Variants in FTO observed in about 807,000 individuals in gnomAD.
FTO encodes the protein FTO alpha-ketoglutarate dependent dioxygenase.
A neutral mutation model predicts 63.9 loss-of-function variants in FTO; 47 were observed. The ratio of observed to expected loss-of-function variants is 0.74; its 90% CI spans 0.58 to 0.94. The LOEUF is 0.94. Among genes scored for constraint, FTO ranks in the 40% least tolerant of loss-of-function variants. FTO has a pLI of 0.00. For missense variants in FTO, 562 were observed against 618.1 expected (o/e 0.91, Z 0.96); for synonymous variants, 207 against 224.4 (o/e 0.92, Z 0.69).
At chr16:53,822,538 C>A (rs1264819060) in intron 2 of FTO, among the ~76,000 whole-genome samples, 2 of 152,122 alleles carry the variant, frequency 1.3e-5, no homozygotes, top group Non-Finnish European at 2.9e-5. Flanking sequence ...CACGGTGTTA[C>A]TGAATGTGCA....
At chr16:53,912,735 C>T (rs2081744348) in intron 7 of FTO, among the ~76,000 whole-genome samples, 1 of 152,186 alleles carries the variant, frequency 6.6e-6, no homozygotes. Context: ...TCTCAACATC[C>T]AGGCACATTT....
At chr16:53,877,702 G>A (rs1388557901) in intron 5 of FTO, among the ~76,000 whole-genome samples, 3 of 150,870 alleles carry the variant, frequency 2.0e-5, no homozygotes, top group Non-Finnish European at 2.9e-5. Flanking sequence ...ATTTTATGAC[G>A]TGAATTATAG....
chr16:53,709,095 A>T (rs1598461198), intron 1 of FTO, among the ~76,000 whole-genome samples: 1 of 152,260 alleles, frequency 6.6e-6, no homozygotes, highest in South Asian at 2.1e-4. Flanking sequence ...TGCTTTTTAA[A>T]TTAAACTTTG....
At chr16:53,953,726 A>G (rs1379741343) in intron 8 of FTO, among the ~76,000 whole-genome samples, 1 of 152,238 alleles carries the variant, frequency 6.6e-6, no homozygotes, top group Admixed American at 6.5e-5. Flanking sequence ...ATATAAAAAA[A>G]TCCAGCATGA....
intron 7 of FTO, among the ~76,000 whole-genome samples, chr16:53,931,480 A>G (rs1224597651): frequency 6.6e-6 from 1 of 151,740 alleles, no homozygotes; most frequent in Non-Finnish European, 1.5e-5. Flanking sequence ...CTAATTTTCT[A>G]TATTTTCAGT....
chr16:54,036,159 CT>C lies in FTO; in HGVS notation c.1365-75602del, dbSNP rs75286805. Among the ~76,000 whole-genome samples the C allele has an allele frequency of 4.6e-5, 7 of 152,294 alleles. No homozygotes were observed. In the East Asian group the frequency reaches 1.4e-3, roughly 29 times the overall value. ...GGATTAAGGCAAAGCACAAAAAAAG[CT>C]CATGTTTTCAACTGTCTATCCTATT... is the stretch of plus-strand genomic sequence containing the variant. On this transcript the variant is annotated intron_variant, in intron 8 of 8. Transcript: ENST00000471389.
In FTO at chr16:54,112,277, CA is replaced by C; in HGVS notation, c.*363del. ...TTTTTCAGAGACTCTGGAGTGGACC[CA>C]GCCCTCTGGGGAAAGACAGAACTTA... On this transcript the variant is annotated 3_prime_UTR_variant, in exon 9 of 9. Transcript: ENST00000471389. 3 of 329,728 alleles carry C rather than the reference CA, an allele frequency of 9.1e-6. No homozygotes were observed. Among genetic ancestry groups the C allele is most frequent in the Non-Finnish European group, 1.7e-5 (3 of 171,538 alleles). The allele number at this position is 329,728 out of a possible 1,614,324, so 20.4% of individuals were successfully genotyped here.
intron 8 of FTO, among the ~76,000 whole-genome samples, chr16:54,093,778 C>G (rs1197164284): frequency 6.6e-6 from 1 of 152,274 alleles, no homozygotes; most frequent in East Asian, 1.9e-4. Flanking sequence ...GAGCTACTGT[C>G]GTCCTCCACC....
intron 8 of FTO, among the ~76,000 whole-genome samples, chr16:54,032,038 C>T (rs1241336368): frequency 1.3e-5 from 2 of 152,086 alleles, no homozygotes; most frequent in Non-Finnish European, 2.9e-5. Flanking sequence ...AAAGATGGCT[C>T]CATTCTGGGA....
chr16:53,867,355 TAAAG>T (rs1413710129), intron 4 of FTO, among the ~76,000 whole-genome samples: 3 of 151,798 alleles, frequency 2.0e-5, no homozygotes, highest in Non-Finnish European at 2.9e-5. Context: ...CAGATCTACA[TAAAG>T]AAAGGAAGAG....
rs138351976 is a variant in FTO, at chr16:53,867,106, CT to C, written c.896-6672del. Among the ~76,000 whole-genome samples, 1,508 of 151,746 alleles carry C rather than the reference CT, an allele frequency of 9.9e-3. 89 individuals carry two copies. In the East Asian group the frequency reaches 0.14, roughly 14 times the overall value. On this transcript the variant is annotated intron_variant, in intron 4 of 8. Coordinates refer to ENST00000471389, the MANE Select transcript of FTO (RefSeq NM_001080432.3). ...TTGTGTTTTCACTTTCATTTAGTTC[CT>C]TTTTTTTAAGATTTTTTTGACCCAC...
chr16:54,065,476 T>C (rs1166235079), intron 8 of FTO, among the ~76,000 whole-genome samples: 1 of 152,172 alleles, frequency 6.6e-6, no homozygotes, highest in Non-Finnish European at 1.5e-5. Context: ...CAGTTACTCA[T>C]TCTGCTGACC....
intron 7 of FTO, among the ~76,000 whole-genome samples, chr16:53,930,212 G>A (rs528147926): frequency 8.2e-5 from 11 of 133,840 alleles, no homozygotes; most frequent in African/African-American, 2.8e-4. Flanking sequence ...TTACTTTTAT[G>A]ATTATCTTCT....
Position 54,115,387 on chromosome 16 carries a change from C to T in FTO, c.*3472C>T, listed in dbSNP as rs912622506. On this transcript the variant is annotated 3_prime_UTR_variant, in exon 9 of 9. Transcript: ENST00000471389. ...GTGGATGCCCTGGGATATGTAGTCACCAAAATAGGAACTTACCCCATAGTG... is the reference window on the plus strand; with the variant it reads ...GTGGATGCCCTGGGATATGTAGTCATCAAAATAGGAACTTACCCCATAGTG... 3 of 152,176 alleles carry T rather than the reference C, an allele frequency of 2.0e-5. No individual in the cohort carries two copies. The highest frequency in any genetic ancestry group is 4.4e-5 in the Non-Finnish European group (3 of 68,092). The allele number at this position is 152,176 out of a possible 1,614,324, so 9.4% of individuals were successfully genotyped here.
chr16:53,865,124 G>A (rs189388122), intron 4 of FTO, among the ~76,000 whole-genome samples: 159 of 152,230 alleles, frequency 1.0e-3, no homozygotes, highest in African/African-American at 3.7e-3. Flanking sequence ...AATAGCATAG[G>A]AGTAATAAGG....
intron 8 of FTO, among the ~76,000 whole-genome samples, chr16:54,032,011 A>G (rs2084843251): frequency 6.6e-6 from 1 of 152,200 alleles, no homozygotes; most frequent in Non-Finnish European, 1.5e-5. Context: ...ACTTAGACCA[A>G]TATATGGGAG....
rs998236845 is a variant in FTO at position 53,781,570 on chromosome 16, C to T, written c.46-28570C>T. Among the ~76,000 whole-genome samples, 41 of 152,130 alleles carry T rather than the reference C, an allele frequency of 2.7e-4. 1 individual carries two copies. The highest frequency in any genetic ancestry group is 9.9e-4 in the African/African-American group (41 of 41,434). On this transcript the variant is annotated intron_variant, in intron 1 of 8. Transcript: ENST00000471389. ...TGGGCTGCCTGAGGAGGTTCCTATGCTTTGATTTCTGAATGGACAGGATCC... is the reference window on the plus strand; with the variant it reads ...TGGGCTGCCTGAGGAGGTTCCTATGTTTTGATTTCTGAATGGACAGGATCC...
At position 54,113,994 on chromosome 16, in the gene FTO, G is replaced by A. The variant is rs2086944594; in HGVS notation, c.*2079G>A. ...AGCTAATTTTTGTATTTTTAGCAGA[G>A]ATGGGGTTTCACCACATTGGCCAGG... On this transcript the variant is annotated 3_prime_UTR_variant, in exon 9 of 9. Transcript: ENST00000471389. 1 of 152,098 alleles carries A rather than the reference G, an allele frequency of 6.6e-6. No homozygotes were observed. The highest frequency in any genetic ancestry group is 1.5e-5 in the Non-Finnish European group (1 of 68,072). 9.4% of individuals were successfully genotyped at this position (152,098 alleles called of 1,614,324 possible). A position where few individuals can be genotyped will look rare whatever the true frequency, so the allele number is the denominator to read the frequency against.
chr16:54,079,826 T>G (rs1387293276), intron 8 of FTO, among the ~76,000 whole-genome samples: 2 of 152,230 alleles, frequency 1.3e-5, no homozygotes, highest in Non-Finnish European at 2.9e-5. Context: ...TTCCCATTTT[T>G]CAAGCAGAGT....
Sources: gnomAD v4.1 joint callset for allele counts (sites outside exome capture counted in the v4.1 genomes callset) on GRCh38, gnomAD v4.1.1 for gene constraint, MANE v1.5 for transcripts, NCBI Gene and HGNC (gene_info 2026-07-23, HGNC 2026-07-21) for gene names.